The following KIF26B variants were observed in gnomAD, a reference collection of about 807,000 sequenced individuals.
KIF26B encodes kinesin family member 26B.
In KIF26B, 63 loss-of-function variants were observed where a neutral mutation model predicts 151.2. The observed-to-expected ratio is 0.42, with a 90% confidence interval of 0.34 to 0.51. The LOEUF is 0.51. Among genes scored for constraint, KIF26B ranks in the 20% least tolerant of loss-of-function variants. The pLI is 0.07. For synonymous variants in KIF26B, 1,357 were observed against 1,262.1 expected, an observed-to-expected ratio of 1.08 and a Z score of -1.59; for missense variants, 2,813 against 2,913.6, an observed-to-expected ratio of 0.97 and a Z score of 0.79.
chr1:245,235,168 A>G (rs539426138), intron 2 of KIF26B, among the ~76,000 whole-genome samples: 3 of 152,222 alleles, frequency 2.0e-5, no homozygotes, highest in Non-Finnish European at 4.4e-5. Flanking sequence ...TTAGATTTGT[A>G]TAAACTAGGT....
At chr1:245,204,325 C>T (rs1218681455) in intron 2 of KIF26B, among the ~76,000 whole-genome samples, 1 of 152,028 alleles carries the variant, frequency 6.6e-6, no homozygotes, top group African/African-American at 2.4e-5. Context: ...TCACTCCAAA[C>T]TGTACTCATT....
rs1015104440 is a variant in KIF26B, at chr1:245,688,913, C to T, written c.5824+106C>T. ...GTGCCCTGGGGAGGGGGCGTCCAGG[C>T]CTGGCCTCTCCTTGCAGGTGGGCGA... On this transcript the variant is annotated intron_variant, in intron 12 of 14. Transcript: ENST00000407071. 2.2e-6 allele frequency: 3 copies of T among 1,354,964 alleles called. No individual in the cohort carries two copies. Among genetic ancestry groups the T allele is most frequent in the Non-Finnish European group, 2.9e-6 (3 of 1,028,972 alleles). 83.9% of individuals were successfully genotyped at this position (1,354,964 alleles called of 1,614,324 possible).
rs754209513 is a variant in KIF26B, at chr1:245,685,723, G to A, written c.2740G>A (p.Gly914Ser). 10 of 1,611,834 alleles carry A rather than the reference G, an allele frequency of 6.2e-6. No homozygotes were observed. The highest frequency in any genetic ancestry group is 3.3e-5 in the South Asian group (3 of 91,036). The change falls in exon 12 of 15, where the codon GGC becomes AGC. Residue 914 changes from glycine (G) to serine (S), a missense_variant. Gly to Ser is a moderately conservative substitution (Grantham distance 56, BLOSUM62 0). Coordinates refer to ENST00000407071, the MANE Select transcript of KIF26B (RefSeq NM_018012.4). ...CGCAGAGGCAGGAGAGGCTGCAGCC[G>A]GCAAGTCAGAAAGGGACTGCCTGAA... ...RPAEAGEAAA[G>S]KSERDCLKCN...
intron 4 of KIF26B, among the ~76,000 whole-genome samples, chr1:245,443,693 T>TAGA (rs1659175564): frequency 1.2e-5 from 1 of 86,938 alleles, no homozygotes; most frequent in Non-Finnish European, 2.4e-5. Context: ...CTGTTCACCC[T>TAGA]GCGGTCATCT....
intron 2 of KIF26B, among the ~76,000 whole-genome samples, chr1:245,279,617 C>T (rs1484865750): frequency 6.6e-6 from 1 of 151,980 alleles, no homozygotes; most frequent in Non-Finnish European, 1.5e-5. Flanking sequence ...ACTACATTTA[C>T]TTTCTTGATT....
chr1:245,497,121 C>G (rs1293976491), intron 4 of KIF26B, among the ~76,000 whole-genome samples: 1 of 150,502 alleles, frequency 6.6e-6, no homozygotes, highest in Non-Finnish European at 1.5e-5. Flanking sequence ...CCATTGCACT[C>G]CAGCCTGGGC....
chr1:245,406,780 A>G (rs1356464090), intron 3 of KIF26B, among the ~76,000 whole-genome samples: 2 of 151,884 alleles, frequency 1.3e-5, no homozygotes, highest in Non-Finnish European at 2.9e-5. Context: ...TTTTTATTTT[A>G]TTTTATTACT....
chr1:245,536,219 AT>A (rs1444107157), intron 4 of KIF26B, among the ~76,000 whole-genome samples: 2 of 152,202 alleles, frequency 1.3e-5, no homozygotes, highest in African/African-American at 4.8e-5. Context: ...AAAATGGCTT[AT>A]GAAAGTATCT....
chr1:245,308,514 A>T (rs922672376), intron 2 of KIF26B, among the ~76,000 whole-genome samples: 1 of 152,158 alleles, frequency 6.6e-6, no homozygotes, highest in Non-Finnish European at 1.5e-5. Flanking sequence ...GTGTGTTTTT[A>T]AAAAAAGCAT....
At position 245,703,908 on chromosome 1, in the gene KIF26B, TC is replaced by T. The variant is rs35647257; in HGVS notation, c.*1306del. On this transcript the variant is annotated 3_prime_UTR_variant, in exon 15 of 15. Transcript: ENST00000407071. The stretch of plus-strand genomic sequence containing the variant: ...CTCCTGCCCAAAGGCAGAGAGAGCT[TC>T]CCCTCCATAACTCACACGACCCTGG... 6.6e-6 allele frequency: 1 copy of T among 152,172 alleles called. No homozygotes were observed. Among genetic ancestry groups the T allele is most frequent in the Non-Finnish European group, 1.5e-5 (1 of 68,048 alleles). The allele number at this position is 152,172 out of a possible 1,614,324, so 9.4% of individuals were successfully genotyped here.
At chr1:245,175,608 A>T (rs1352255060) in intron 2 of KIF26B, among the ~76,000 whole-genome samples, 1 of 152,172 alleles carries the variant, frequency 6.6e-6, no homozygotes, top group Non-Finnish European at 1.5e-5. Context: ...AAGATTTTTT[A>T]AAAAGCAAGT....
At chr1:245,437,847 G>A (rs1008832237) in intron 4 of KIF26B, among the ~76,000 whole-genome samples, 8 of 152,170 alleles carry the variant, frequency 5.3e-5, no homozygotes, top group Admixed American at 2.6e-4. Flanking sequence ...CACCACAGCC[G>A]TGAAATCCAA....
At chr1:245,376,968 G>GT (rs1248170742) in intron 3 of KIF26B, among the ~76,000 whole-genome samples, 1 of 152,000 alleles carries the variant, frequency 6.6e-6, no homozygotes, top group African/African-American at 2.4e-5. Flanking sequence ...GATTACAGGC[G>GT]TGAGCCACTG....
At chr1:245,511,688 A>G (rs994569736) in intron 4 of KIF26B, among the ~76,000 whole-genome samples, 5 of 152,164 alleles carry the variant, frequency 3.3e-5, no homozygotes, top group Admixed American at 6.5e-5. Flanking sequence ...ACATCTCCCT[A>G]TTCTAGAGTA....
chr1:245,295,160 G>T (rs528687336), intron 2 of KIF26B, among the ~76,000 whole-genome samples: 1 of 152,240 alleles, frequency 6.6e-6, no homozygotes, highest in South Asian at 2.1e-4. Flanking sequence ...TATTTGGGAT[G>T]GAGAGAAAAT....
chr1:245,178,624 T>C (rs1031446262), intron 2 of KIF26B, among the ~76,000 whole-genome samples: 1 of 152,234 alleles, frequency 6.6e-6, no homozygotes, highest in Non-Finnish European at 1.5e-5. Flanking sequence ...GCAATAACTT[T>C]TGTTATTAAA....
At chr1:245,370,728 C>T (rs890187252) in intron 3 of KIF26B, 1 of 426,684 alleles carries the variant, frequency 2.3e-6, no homozygotes, top group Non-Finnish European at 4.8e-6. Context: ...GTCGGAAACA[C>T]TGAAGATGCT....
At chr1:245,477,060 C>G (rs773916895) in intron 4 of KIF26B, among the ~76,000 whole-genome samples, 20 of 151,852 alleles carry the variant, frequency 1.3e-4, no homozygotes, top group African/African-American at 4.3e-4. Flanking sequence ...TGAGCCAGTA[C>G]GTTTCTGGCA....
At chr1:245,491,361 G>A (rs763873031) in intron 4 of KIF26B, among the ~76,000 whole-genome samples, 9 of 152,140 alleles carry the variant, frequency 5.9e-5, no homozygotes, top group Admixed American at 3.3e-4. Flanking sequence ...CTGCATTGTT[G>A]TCTGTTATGC....
Sources: allele counts gnomAD v4.1 joint callset (sites outside exome capture counted in the v4.1 genomes callset), GRCh38; gene constraint gnomAD v4.1.1; transcripts MANE v1.5; gene names NCBI Gene and HGNC (gene_info 2026-07-23, HGNC 2026-07-21).